The following TRPM3 variants were observed in gnomAD, a reference collection of about 807,000 sequenced individuals.
TRPM3 encodes transient receptor potential cation channel subfamily M member 3.
Under a neutral mutation model 181.2 loss-of-function variants are expected in TRPM3, and 77 were observed. The ratio of observed to expected loss-of-function variants is 0.42; its 90% CI spans 0.35 to 0.51. The LOEUF is 0.51. Among genes scored for constraint, TRPM3 ranks in the 20% least tolerant of loss-of-function variants. The pLI is 0.01. For missense variants in TRPM3, 1,759 were observed against 2,196.7 expected (o/e 0.80, Z 3.98); for synonymous variants, 745 against 796.4 (o/e 0.94, Z 1.09).
chr9:71,443,738 C>A (rs1205904441), intron 1 of TRPM3, among the ~76,000 whole-genome samples: 4 of 152,122 alleles, frequency 2.6e-5, no homozygotes, highest in Non-Finnish European at 1.5e-5. Flanking sequence ...TCAAGTCAAG[C>A]CGACCTCCCC....
intron 6 of TRPM3, among the ~76,000 whole-genome samples, chr9:70,797,655 G>C (rs995904647): frequency 6.6e-6 from 1 of 152,152 alleles, no homozygotes; most frequent in African/African-American, 2.4e-5. Flanking sequence ...CTCACTCCTG[G>C]TTTCAAGAGA....
intron 1 of TRPM3, among the ~76,000 whole-genome samples, chr9:71,177,252 A>C (rs915219270): frequency 6.6e-6 from 1 of 152,112 alleles, no homozygotes; most frequent in East Asian, 1.9e-4. Context: ...CTGATTCTAC[A>C]TTATGATGAG....
chr9:70,894,058 A>C (rs1292271726), intron 1 of TRPM3, among the ~76,000 whole-genome samples: 1 of 152,170 alleles, frequency 6.6e-6, no homozygotes, highest in Admixed American at 6.5e-5. Context: ...AAATGTTTGG[A>C]ACATTGTTGG....
chr9:71,113,623 G>A (rs1412209087), intron 1 of TRPM3, among the ~76,000 whole-genome samples: 1 of 151,898 alleles, frequency 6.6e-6, no homozygotes, highest in Admixed American at 6.6e-5. Context: ...ACACATTTTT[G>A]GTATCTAAAT....
intron 1 of TRPM3, among the ~76,000 whole-genome samples, chr9:70,938,849 T>C (rs906372825): frequency 6.6e-6 from 1 of 151,780 alleles, no homozygotes; most frequent in African/African-American, 2.4e-5. Context: ...TCCCAGCTAC[T>C]TGGGAAGCTG....
At chr9:70,645,566 G>C (rs1050041990) in intron 9 of TRPM3, among the ~76,000 whole-genome samples, 4 of 152,002 alleles carry the variant, frequency 2.6e-5, no homozygotes, top group Admixed American at 6.6e-5. Flanking sequence ...ACTCAAGGTG[G>C]ATTAAAGACT....
At chr9:70,804,768 CA>C (rs931714592) in intron 6 of TRPM3, among the ~76,000 whole-genome samples, 2 of 152,138 alleles carry the variant, frequency 1.3e-5, no homozygotes, top group African/African-American at 4.8e-5. Context: ...TCCTACTCTG[CA>C]CTCCCTTTCT....
intron 25 of TRPM3, among the ~76,000 whole-genome samples, chr9:70,547,158 T>A (rs928710965): frequency 5.3e-5 from 8 of 152,234 alleles, no homozygotes; most frequent in African/African-American, 1.9e-4. Context: ...CTTAATGTTG[T>A]TGATTTCAAA....
At chr9:71,427,341 C>T (rs942274473) in intron 1 of TRPM3, among the ~76,000 whole-genome samples, 26 of 152,078 alleles carry the variant, frequency 1.7e-4, no homozygotes, top group Non-Finnish European at 5.9e-5. Flanking sequence ...ATTCTCACAC[C>T]ACACTTCAGC....
At chr9:71,046,753 T>C (rs2059487152) in intron 1 of TRPM3, among the ~76,000 whole-genome samples, 2 of 152,226 alleles carry the variant, frequency 1.3e-5, no homozygotes, top group East Asian at 3.8e-4. Flanking sequence ...AAAATGGATT[T>C]ACTATGACTT....
At chr9:70,846,070 A>G (rs1371237526) in intron 4 of TRPM3, among the ~76,000 whole-genome samples, 2 of 152,230 alleles carry the variant, frequency 1.3e-5, no homozygotes, top group African/African-American at 4.8e-5. Context: ...GTCATTCCCT[A>G]AAGAATTATT....
At chr9:71,021,350 T>C (rs2097845752) in intron 1 of TRPM3, among the ~76,000 whole-genome samples, 1 of 152,134 alleles carries the variant, frequency 6.6e-6, no homozygotes, top group East Asian at 1.9e-4. Context: ...TGTGCTTCAC[T>C]AAAAAAATTC....
intron 6 of TRPM3, among the ~76,000 whole-genome samples, chr9:70,819,461 C>A (rs1226690591): frequency 6.6e-6 from 1 of 152,116 alleles, no homozygotes; most frequent in African/African-American, 2.4e-5. Flanking sequence ...ATGCTAAGCC[C>A]AGTTTAATCT....
At chr9:70,874,237 A>G (rs2095837019) in intron 1 of TRPM3, among the ~76,000 whole-genome samples, 1 of 151,902 alleles carries the variant, frequency 6.6e-6, no homozygotes, top group African/African-American at 2.4e-5. Flanking sequence ...TTTCTTTGGA[A>G]ATTTGTTTCT....
chr9:70,571,779 T>C (rs1407719397), intron 22 of TRPM3, among the ~76,000 whole-genome samples: 2 of 152,180 alleles, frequency 1.3e-5, no homozygotes, highest in African/African-American at 4.8e-5. Context: ...TTTGCTATTA[T>C]TATTTTTATG....
At position 71,046,277 on chromosome 9, in the gene TRPM3, G is replaced by A. The variant is rs904194421; in HGVS notation, c.177+74901C>T. The stretch of plus-strand genomic sequence containing the variant: ...TGGGATTATAGGTGTGAACCACCGC[G>A]CCTGGCCTTTTCTACACTTTTATGA... On this transcript the variant is annotated intron_variant, in intron 1 of 25. Transcript: ENST00000677713. Among the ~76,000 whole-genome samples the A allele has an allele frequency of 1.3e-4, 20 of 152,172 alleles. 1 individual carries two copies. The highest frequency in any genetic ancestry group is 4.1e-4 in the African/African-American group (17 of 41,514).
chr9:70,626,310 T>C (rs538314719), intron 12 of TRPM3, among the ~76,000 whole-genome samples: 106 of 152,210 alleles, frequency 7.0e-4, no homozygotes, highest in Non-Finnish European at 1.4e-3. Context: ...TCTCACTGCC[T>C]GGTGTAGCTC....
intron 1 of TRPM3, among the ~76,000 whole-genome samples, chr9:71,008,921 T>C (rs1450948579): frequency 6.6e-6 from 1 of 152,200 alleles, no homozygotes; most frequent in African/African-American, 2.4e-5. Flanking sequence ...TGGTTCAAAA[T>C]ATGCAAATCA....
intron 1 of TRPM3, among the ~76,000 whole-genome samples, chr9:71,211,804 T>G (rs904306520): frequency 1.4e-4 from 22 of 152,314 alleles, no homozygotes; most frequent in African/African-American, 4.8e-4. Flanking sequence ...ACCTCATCAT[T>G]TTTACTTCAC....
Sources: gnomAD v4.1 joint callset for allele counts (sites outside exome capture counted in the v4.1 genomes callset) on GRCh38, gnomAD v4.1.1 for gene constraint, MANE v1.5 for transcripts, NCBI Gene and HGNC (gene_info 2026-07-23, HGNC 2026-07-21) for gene names.